Variants in PDE1A observed in about 807,000 individuals in gnomAD.
PDE1A encodes dual specificity calcium/calmodulin-dependent 3',5'-cyclic nucleotide phosphodiesterase 1A.
A neutral mutation model predicts 61.7 loss-of-function variants in PDE1A; 35 were observed. The observed-to-expected ratio is 0.57, with a 90% CI of 0.43 to 0.75. The LOEUF is 0.75. PDE1A is among the 30% of genes least tolerant of loss of function. The probability of loss-of-function intolerance (pLI) is 0.00; values close to 1 mark genes in which losing one functional copy is unlikely to be tolerated. For synonymous variants in PDE1A, 232 were observed against 213.2 expected (o/e 1.09, Z -0.77); for missense variants, 597 against 630.6 (o/e 0.95, Z 0.57).
At chr2:182,507,274 T>TCAA (rs1180263705) in intron 2 of PDE1A, among the ~76,000 whole-genome samples, 2 of 152,150 alleles carry the variant, frequency 1.3e-5, no homozygotes, top group Non-Finnish European at 2.9e-5. Flanking sequence ...TGGGTGCATA[T>TCAA]CAACTAGCTT....
chr2:182,205,748 AG>A (rs1339248383), intron 8 of PDE1A, among the ~76,000 whole-genome samples, 191 bp downstream of exon 8: 7 of 152,186 alleles, frequency 4.6e-5, no homozygotes, highest in Non-Finnish European at 1.0e-4. Context: ...GAAATACTTC[AG>A]GTCCCTTTAA....
chr2:182,448,857 A>G (rs1685310882), intron 2 of PDE1A, among the ~76,000 whole-genome samples: 1 of 152,042 alleles, frequency 6.6e-6, no homozygotes, highest in Admixed American at 6.6e-5. Flanking sequence ...TACTATAGAG[A>G]TTATTTGGTT....
At chr2:182,264,878 C>CATATATATATATATATATATGTATATAT in intron 1 of PDE1A, among the ~76,000 whole-genome samples, 1 of 106,870 alleles carries the variant, frequency 9.4e-6, no homozygotes, top group African/African-American at 3.7e-5. Flanking sequence ...TATATATATA[C>CATATATATATATATATATATGTATATAT]ATATATATAT....
At chr2:182,297,453 C>G (rs1222238508) in intron 1 of PDE1A, among the ~76,000 whole-genome samples, 3 of 152,122 alleles carry the variant, frequency 2.0e-5, no homozygotes. Flanking sequence ...TGGATTGGGG[C>G]TCATTTTTAT....
chr2:182,396,641 AGATT>A (rs575507711), intron 1 of PDE1A, among the ~76,000 whole-genome samples: 136 of 152,318 alleles, frequency 8.9e-4, no homozygotes, highest in Non-Finnish European at 1.2e-3. Flanking sequence ...AAGTAACATA[AGATT>A]TATTGACTTC....
intron 7 of PDE1A, among the ~76,000 whole-genome samples, chr2:182,212,320 A>G (rs1687688752): frequency 6.7e-6 from 1 of 150,022 alleles, no homozygotes; most frequent in African/African-American, 2.5e-5. Context: ...GCTAATTAAC[A>G]TATGTGTTAC....
At chr2:182,285,082 A>C (rs1395242741) in intron 1 of PDE1A, among the ~76,000 whole-genome samples, 1 of 152,060 alleles carries the variant, frequency 6.6e-6, no homozygotes, top group Non-Finnish European at 1.5e-5. Flanking sequence ...GCACGCAGAT[A>C]ATTGTTTTGC....
Position 182,360,720 on chromosome 2 carries a change from GT to G in PDE1A, c.53+65857del, listed in dbSNP as rs34929129. 3.6e-3 allele frequency among the ~76,000 whole-genome samples: 543 copies of G among 149,212 alleles called. 3 individuals are homozygous for G. Among genetic ancestry groups the G allele is most frequent in the East Asian group, 0.014 (71 of 5,114 alleles). On this transcript the variant is annotated intron_variant, in intron 1 of 13. Coordinates refer to ENST00000351439, the Ensembl canonical transcript of PDE1A. ...ATCAATCCCACCTGCATTTTTAGAA[GT>G]TTTTTTTTTCCCCCTATGGTGGAAG...
At chr2:182,536,791 G>T in the PDE1A span, among the ~76,000 whole-genome samples, 1 of 152,156 alleles carries the variant, frequency 6.6e-6, no homozygotes, top group Non-Finnish European at 1.5e-5. Flanking sequence ...GATCATAAAT[G>T]GTGGTATGGC....
At chr2:182,506,347 A>G (rs1048460804) in intron 2 of PDE1A, among the ~76,000 whole-genome samples, 16 of 152,332 alleles carry the variant, frequency 1.1e-4, no homozygotes, top group Middle Eastern at 3.4e-3. Flanking sequence ...GACCAAATAA[A>G]CAGCCATTTT....
chr2:182,205,834 G>C, intron 8 of PDE1A, 106 bp downstream of exon 8: 1 of 955,980 alleles, frequency 1.0e-6, no homozygotes, highest in Non-Finnish European at 1.6e-6. Context: ...AATTAAGTTT[G>C]TAATTTGGGG....
intron 2 of PDE1A, among the ~76,000 whole-genome samples, chr2:182,488,556 T>G (rs35368292): frequency 0.34 from 51,944 of 152,022 alleles, 9,111 homozygotes; most frequent in East Asian, 0.42. Context: ...TTGATTCACA[T>G]GTTAACACTA....
the PDE1A span, among the ~76,000 whole-genome samples, chr2:182,697,585 G>A: frequency 1.3e-5 from 2 of 152,186 alleles, no homozygotes; most frequent in African/African-American, 4.8e-5. Context: ...GCTGCCAGGT[G>A]GACAGGTGAT....
chr2:182,231,000 T>C lies in PDE1A; in HGVS notation c.534+15A>G. ...CAATTCTAAGAGCATTTCACTTTTG[T>C]TCCATGTTTCTGACCTTGAAACGGT... On this transcript the variant is annotated intron_variant, in intron 5 of 13. Transcript: ENST00000351439. 1 of 1,246,034 alleles carries C rather than the reference T, an allele frequency of 8.0e-7. No homozygotes were observed. The highest frequency in any genetic ancestry group is 1.2e-6 in the Non-Finnish European group (1 of 863,138). 77.2% of individuals were successfully genotyped at this position (1,246,034 alleles called of 1,614,324 possible).
the PDE1A span, among the ~76,000 whole-genome samples, chr2:182,663,621 T>TAAATGC: frequency 6.6e-6 from 1 of 151,986 alleles, no homozygotes; most frequent in Non-Finnish European, 1.5e-5. Context: ...GAGCTAAATG[T>TAAATGC]TGAGAACACA....
At chr2:182,532,171 T>C in the PDE1A span, among the ~76,000 whole-genome samples, 2 of 152,184 alleles carry the variant, frequency 1.3e-5, no homozygotes. Context: ...TCTAGTGTTC[T>C]ATAACGCTGT....
At chr2:182,554,796 A>T in the PDE1A span, among the ~76,000 whole-genome samples, 1 of 152,188 alleles carries the variant, frequency 6.6e-6, no homozygotes, top group South Asian at 2.1e-4. Flanking sequence ...CTACCTTAGA[A>T]AAGTCTTCAT....
intron 1 of PDE1A, among the ~76,000 whole-genome samples, chr2:182,422,108 T>TA (rs1703316170): frequency 6.6e-6 from 1 of 152,228 alleles, no homozygotes; most frequent in Admixed American, 6.5e-5. Context: ...TGGCTGCCTT[T>TA]AGTGTCTTCG....
At chr2:182,341,965 C>T (rs969675703) in intron 1 of PDE1A, among the ~76,000 whole-genome samples, 1 of 152,028 alleles carries the variant, frequency 6.6e-6, no homozygotes, top group Non-Finnish European at 1.5e-5. Context: ...GACCAGGCCT[C>T]GCTATGTTGC....
Sources: allele counts gnomAD v4.1 joint callset (sites outside exome capture counted in the v4.1 genomes callset), GRCh38; gene constraint gnomAD v4.1.1; transcripts MANE v1.5; gene names NCBI Gene and HGNC (gene_info 2026-07-23, HGNC 2026-07-21).